BABAM2: variants seen among roughly 807,000 people sequenced by gnomAD.
BABAM2 encodes BRISC and BRCA1-A complex member 2.
A neutral mutation model predicts 54.7 loss-of-function variants in BABAM2; 31 were observed. The ratio of observed to expected loss-of-function variants is 0.57; its 90% CI spans 0.43 to 0.77. The LOEUF (loss-of-function observed/expected upper bound fraction) is 0.77. Ranked by LOEUF, BABAM2 falls within the 30% of genes least tolerant of loss-of-function variation. The pLI is 0.00. For missense variants in BABAM2, 364 were observed against 455.8 expected (o/e 0.80, Z 1.83); for synonymous variants, 167 against 162.9 (o/e 1.03, Z -0.19).
At chr2:27,973,880 C>T (rs1415622849) in intron 3 of BABAM2, among the ~76,000 whole-genome samples, 1 of 152,100 alleles carries the variant, frequency 6.6e-6, no homozygotes, top group Non-Finnish European at 1.5e-5. Flanking sequence ...TGAATCAAGT[C>T]CACAGAAGAT....
chr2:28,271,454 C>T (rs956929056), intron 10 of BABAM2, among the ~76,000 whole-genome samples: 4 of 152,182 alleles, frequency 2.6e-5, no homozygotes, highest in African/African-American at 9.7e-5. Context: ...CTTCCAATTC[C>T]AGTGACATGA....
intron 6 of BABAM2, among the ~76,000 whole-genome samples, chr2:28,114,335 C>G (rs528390687): frequency 7.5e-4 from 114 of 152,286 alleles, no homozygotes; most frequent in African/African-American, 2.6e-3. Flanking sequence ...TCAGCATACT[C>G]TCTTGCTTTC....
At chr2:28,031,767 A>T (rs1283068527) in intron 5 of BABAM2, among the ~76,000 whole-genome samples, 1 of 152,188 alleles carries the variant, frequency 6.6e-6, no homozygotes, top group African/African-American at 2.4e-5. Flanking sequence ...TTACTGGCCA[A>T]CTGAGCTAGA....
intron 3 of BABAM2, among the ~76,000 whole-genome samples, chr2:27,941,917 T>C (rs1668918120): frequency 6.6e-6 from 1 of 152,302 alleles, no homozygotes; most frequent in African/African-American, 2.4e-5. Context: ...AACAGATGCA[T>C]AGATTTTTAC....
intron 6 of BABAM2, among the ~76,000 whole-genome samples, chr2:28,059,715 G>T (rs1254482001): frequency 1.3e-5 from 2 of 152,156 alleles, no homozygotes; most frequent in Non-Finnish European, 2.9e-5. Context: ...GTGAATAGTG[G>T]AGTATTCCAG....
chr2:28,129,156 A>G, intron 6 of BABAM2, 115 bp from the exon 7 acceptor site: 1 of 926,754 alleles, frequency 1.1e-6, no homozygotes, highest in Admixed American at 1.9e-5. Context: ...GCTAAGCTAA[A>G]GTGGAATAAG....
At chr2:27,928,383 C>T (rs1026383793) in intron 2 of BABAM2, among the ~76,000 whole-genome samples, 3 of 152,100 alleles carry the variant, frequency 2.0e-5, no homozygotes, top group Non-Finnish European at 2.9e-5. Flanking sequence ...CTCCTGACCT[C>T]CAGTGATTTG....
rs147340305 is a variant in BABAM2, at chr2:28,257,378, G to A, written c.934+12516G>A. ...CTCCTCCCCTGACTTCCAGCCCCAGGTAGCCACCGACCACTTTCTGTTTCT... is the reference window on the plus strand; with the variant it reads ...CTCCTCCCCTGACTTCCAGCCCCAGATAGCCACCGACCACTTTCTGTTTCT... On this transcript the variant is annotated intron_variant, in intron 10 of 11. Coordinates refer to ENST00000379624, the MANE Select transcript of BABAM2 (RefSeq NM_199191.3). Among the ~76,000 whole-genome samples the A allele has an allele frequency of 4.8e-3, 733 of 152,244 alleles. 11 individuals carry two copies. Among genetic ancestry groups the A allele is most frequent in the African/African-American group, 0.016 (677 of 41,546 alleles).
At chr2:28,146,194 GATAC>G (rs1355446897) in intron 7 of BABAM2, among the ~76,000 whole-genome samples, 2 of 152,138 alleles carry the variant, frequency 1.3e-5, no homozygotes, top group Non-Finnish European at 2.9e-5. Flanking sequence ...ACTTTTATTA[GATAC>G]ATAATTTGCA....
intron 7 of BABAM2, among the ~76,000 whole-genome samples, chr2:28,232,280 C>T (rs1193435079): frequency 2.0e-5 from 3 of 152,288 alleles, no homozygotes; most frequent in South Asian, 2.1e-4. Context: ...TAAAACCCCA[C>T]GTGGGAGGAA....
At chr2:27,899,047 T>G (rs759873133) in intron 2 of BABAM2, among the ~76,000 whole-genome samples, 1 of 151,682 alleles carries the variant, frequency 6.6e-6, no homozygotes, top group Admixed American at 6.6e-5. Context: ...GTGGATCACT[T>G]GAGCCCAGGA....
At chr2:28,295,962 AGCCGAACGTGGTGGCAGGC>A (rs1012612629) in intron 10 of BABAM2, among the ~76,000 whole-genome samples, 1 of 152,176 alleles carries the variant, frequency 6.6e-6, no homozygotes. Context: ...ATAAAAAATT[AGCCGAACGTGGTGGCAGGC>A]GCCTGTAATC....
intron 7 of BABAM2, among the ~76,000 whole-genome samples, chr2:28,226,419 A>G (rs1171847729): frequency 6.6e-6 from 1 of 152,152 alleles, no homozygotes; most frequent in Non-Finnish European, 1.5e-5. Context: ...TACTACAAAT[A>G]TTTTTTAAGT....
At chr2:28,183,528 G>A (rs1192508733) in intron 7 of BABAM2, among the ~76,000 whole-genome samples, 2 of 152,158 alleles carry the variant, frequency 1.3e-5, no homozygotes, top group Non-Finnish European at 2.9e-5. Context: ...AGCAATAGCT[G>A]CCCAGTGGGA....
At chr2:28,091,818 T>G (rs1177860762) in intron 6 of BABAM2, among the ~76,000 whole-genome samples, 1 of 152,210 alleles carries the variant, frequency 6.6e-6, no homozygotes, top group Non-Finnish European at 1.5e-5. Flanking sequence ...ATACTTTGCA[T>G]GTAATATGCA....
In BABAM2 at chr2:27,894,669, C is replaced by CT; in HGVS notation, c.114dup (p.Asp39Ter). 1 of 1,614,124 alleles carries CT rather than the reference C, an allele frequency of 6.2e-7. No homozygotes were observed. Among genetic ancestry groups the CT allele is most frequent in the Non-Finnish European group, 8.5e-7 (1 of 1,180,000 alleles). Reference sequence around the variant, plus strand: ...GATGCTACAAACTGTTTGAGGATAACTGACTTAAAATCTGGGTATGTACCA... The same window carrying CT: ...GATGCTACAAACTGTTTGAGGATAACTTGACTTAAAATCTGGGTATGTACCA... On this transcript the variant is annotated frameshift_variant, in exon 2 of 12. Coordinates refer to ENST00000379624, the MANE Select transcript of BABAM2 (RefSeq NM_199191.3). LOFTEE classifies it high-confidence loss of function.
chr2:27,987,570 T>C (rs1347974765), intron 3 of BABAM2, among the ~76,000 whole-genome samples: 1 of 152,082 alleles, frequency 6.6e-6, no homozygotes, highest in East Asian at 1.9e-4. Context: ...ATCCCAGCAC[T>C]TTGGGAGGCT....
intron 3 of BABAM2, among the ~76,000 whole-genome samples, chr2:27,984,859 C>T (rs1672286971): frequency 1.3e-5 from 2 of 151,960 alleles, no homozygotes; most frequent in African/African-American, 4.8e-5. Context: ...CACCCTTTCC[C>T]TCGAGTCCCC....
chr2:28,314,987 G>A (rs1259955539), intron 11 of BABAM2, among the ~76,000 whole-genome samples: 7 of 138,956 alleles, frequency 5.0e-5, no homozygotes, highest in African/African-American at 1.9e-4. Flanking sequence ...GAAGGAAGGT[G>A]GGGAGGGAGG....
Sources: allele counts gnomAD v4.1 joint callset (sites outside exome capture counted in the v4.1 genomes callset), GRCh38; gene constraint gnomAD v4.1.1; transcripts MANE v1.5; gene names NCBI Gene and HGNC (gene_info 2026-07-23, HGNC 2026-07-21).